The following LHFPL5 variants were observed in gnomAD, a reference collection of about 807,000 sequenced individuals.
The protein encoded by LHFPL5 is LHFPL tetraspan subfamily member 5 protein.
LHFPL5 carries 12 observed loss-of-function variants against 18.7 expected under a neutral mutation model. That is an observed-to-expected ratio of 0.64 (90% CI 0.41 to 1.04). The LOEUF (loss-of-function observed/expected upper bound fraction) is 1.04. LHFPL5 is among the 50% of genes least tolerant of loss of function. The probability of loss-of-function intolerance (pLI) is 0.00; values close to 1 mark genes in which losing one functional copy is unlikely to be tolerated. For synonymous variants in LHFPL5, 111 were observed against 120.2 expected, an observed-to-expected ratio of 0.92 and a Z score of 0.50; for missense variants, 259 against 292.1, an observed-to-expected ratio of 0.89 and a Z score of 0.83.
At chr6:35,817,813 TCATA>T (rs1457479767) in intron 2 of LHFPL5, among the ~76,000 whole-genome samples, 1 of 152,244 alleles carries the variant, frequency 6.6e-6, no homozygotes, top group Non-Finnish European at 1.5e-5. Context: ...AAATGGTTAA[TCATA>T]GAGTTACTAT....
At chr6:35,816,810 T>TAA (rs752528571) in intron 2 of LHFPL5, among the ~76,000 whole-genome samples, 11 of 83,240 alleles carry the variant, frequency 1.3e-4, no homozygotes, top group African/African-American at 3.6e-4. Flanking sequence ...AGACTCCATC[T>TAA]AAAAAAAAAA....
chr6:35,815,620 G>C (rs1373434391), intron 2 of LHFPL5, among the ~76,000 whole-genome samples: 8 of 152,126 alleles, frequency 5.3e-5, no homozygotes, highest in Non-Finnish European at 1.0e-4. Context: ...CCCCATAGCT[G>C]TCTTCACATT....
At chr6:35,811,852 T>C (rs1581970552) in intron 1 of LHFPL5, among the ~76,000 whole-genome samples, 1 of 152,190 alleles carries the variant, frequency 6.6e-6, no homozygotes, top group Non-Finnish European at 1.5e-5. Flanking sequence ...AACACTTAGT[T>C]TTCACTGAAC....
intron 3 of LHFPL5, 75 bp downstream of exon 3, chr6:35,819,538 C>A: frequency 7.3e-7 from 1 of 1,361,714 alleles, no homozygotes; most frequent in Admixed American, 1.8e-5. Context: ...ACTGAATCCT[C>A]AGGCATCAGG....
intron 2 of LHFPL5, among the ~76,000 whole-genome samples, chr6:35,817,505 A>G (rs1768786928): frequency 6.6e-6 from 1 of 152,236 alleles, no homozygotes; most frequent in South Asian, 2.1e-4. Flanking sequence ...CTATAACTCA[A>G]CAATGAAAAG....
rs1259086127 is a variant in LHFPL5, at chr6:35,823,878, T to C, written c.*913T>C. Reference sequence around the variant, plus strand: ...ATGACATTTTTTTTTTTCAAAAACTTTGGATTTGGCATATAGTCATCTATA... The same window carrying C: ...ATGACATTTTTTTTTTTCAAAAACTCTGGATTTGGCATATAGTCATCTATA... On this transcript the variant is annotated 3_prime_UTR_variant, in exon 4 of 4. Transcript: ENST00000360215. 1.3e-5 allele frequency: 2 copies of C among 152,136 alleles called. No homozygotes were observed. The highest frequency in any genetic ancestry group is 3.9e-4 in the East Asian group (2 of 5,194). The allele number at this position is 152,136 out of a possible 1,614,324, so 9.4% of individuals were successfully genotyped here. A position where few individuals can be genotyped will look rare whatever the true frequency, so the allele number is the denominator to read the frequency against.
chr6:35,817,342 A>G (rs2151071440), intron 2 of LHFPL5, among the ~76,000 whole-genome samples: 1 of 152,342 alleles, frequency 6.6e-6, no homozygotes, highest in South Asian at 2.1e-4. Context: ...CTTAAAAGAA[A>G]AAAATAGATA....
chr6:35,806,144 C>A, intron 1 of LHFPL5, 62 bp downstream of exon 1: 1 of 1,566,060 alleles, frequency 6.4e-7, no homozygotes, highest in Non-Finnish European at 8.7e-7. Context: ...TGCAGCTGCA[C>A]CATCCCAGCC....
intron 2 of LHFPL5, among the ~76,000 whole-genome samples, chr6:35,818,452 G>C (rs1169015468): frequency 1.4e-5 from 2 of 144,472 alleles, no homozygotes; most frequent in Non-Finnish European, 3.0e-5. Context: ...TTCACCTCCT[G>C]GGCTCAAGTG....
chr6:35,807,059 C>T (rs1054130251), intron 1 of LHFPL5, among the ~76,000 whole-genome samples: 4 of 152,092 alleles, frequency 2.6e-5, no homozygotes, highest in African/African-American at 9.7e-5. Flanking sequence ...AACTGCTGGG[C>T]TCAAGTGATT....
intron 2 of LHFPL5, 42 bp from the exon 3 acceptor site, chr6:35,819,395 G>A (rs776894988): frequency 8.1e-6 from 13 of 1,607,372 alleles, no homozygotes; most frequent in African/African-American, 4.0e-5. Flanking sequence ...TCCTAAAAAC[G>A]AGACTTGGTA....
chr6:35,818,346 TATGTA>T (rs1242950620), intron 2 of LHFPL5, among the ~76,000 whole-genome samples: 6 of 6,166 alleles, frequency 9.7e-4, no homozygotes, highest in Non-Finnish European at 1.9e-3. Context: ...TATATATATA[TATGTA>T]TTTTTTTTTT....
At position 35,814,749 on chromosome 6, in the gene LHFPL5, C is replaced by T. The variant is rs1459158366; in HGVS notation, c.616C>T (p.Leu206Phe). Residue 206 changes from leucine to phenylalanine, a missense_variant, in exon 2 of 4, where the codon CTC becomes TTC. Physicochemically the swap from Leu to Phe is conservative, Grantham distance 22 (BLOSUM62 0). Coordinates refer to ENST00000360215, the MANE Select transcript of LHFPL5 (RefSeq NM_182548.4). The surrounding 1 kb of genome is among the most constrained non-coding windows in gnomAD (Gnocchi z 4.2). ...AFVLGYRQDK[L>F]LPDDYKADGT... ...CGTGTTGGGCTACCGGCAGGACAAG[C>T]TCCTCCCTGACGACTACAAGGCAGA... 6.2e-7 allele frequency: 1 copy of T among 1,614,002 alleles called. No homozygotes were observed. Among genetic ancestry groups the T allele is most frequent in the African/African-American group, 1.3e-5 (1 of 74,922 alleles).
chr6:35,820,020 G>A (rs369800134), intron 3 of LHFPL5, among the ~76,000 whole-genome samples: 78 of 152,178 alleles, frequency 5.1e-4, no homozygotes, highest in African/African-American at 1.8e-3. Context: ...AGGGAAAGAA[G>A]AAATAATTTC....
rs1192287001 is a variant in LHFPL5 at position 35,814,654 on chromosome 6, C to T, written c.521C>T (p.Thr174Ile). Residue 174 changes from threonine to isoleucine, a missense_variant, in exon 2 of 4, where the codon ACC becomes ATC. Transcript: ENST00000360215. This position sits in a 1 kb window ranked among gnomAD's most constrained non-coding sequence, Gnocchi z 4.2. ...QTGKYTLGHC[T>I]IRWAFMLAIL... is the part of the protein sequence containing the mutation. ...GGCAAGTACACGCTGGGCCACTGCA[C>T]CATCCGCTGGGCCTTCATGCTGGCC... 1.2e-6 allele frequency: 2 copies of T among 1,614,192 alleles called. No homozygotes were observed. Among genetic ancestry groups the T allele is most frequent in the South Asian group, 1.1e-5 (1 of 91,086 alleles).
At chr6:35,808,932 G>T (rs907110360) in intron 1 of LHFPL5, among the ~76,000 whole-genome samples, 24 of 152,156 alleles carry the variant, frequency 1.6e-4, no homozygotes, top group African/African-American at 4.8e-4. Flanking sequence ...AGGCAAGACT[G>T]GTGTCATGTT....
chr6:35,805,551 G>T lies in LHFPL5; in HGVS notation c.-120G>T, dbSNP rs1448699213. The T allele has an allele frequency of 9.2e-6, 9 of 980,086 alleles. No individual in the cohort carries two copies. Among genetic ancestry groups the T allele is most frequent in the Non-Finnish European group, 1.3e-5 (8 of 632,188 alleles). The allele number at this position is 980,086 out of a possible 1,614,324, so 60.7% of individuals were successfully genotyped here. On this transcript the variant is annotated 5_prime_UTR_variant, in exon 1 of 4. Coordinates refer to ENST00000360215, the MANE Select transcript of LHFPL5 (RefSeq NM_182548.4). The surrounding 1 kb of genome is among the most constrained non-coding windows in gnomAD (Gnocchi z 4.3). ...TTGCCTTGAAGGGACCTCACCTGGT[G>T]CCCTGACCTCAGCCTCCTCCCCAAA... is the stretch of plus-strand genomic sequence containing the variant.
chr6:35,817,043 G>A (rs886875348), intron 2 of LHFPL5, among the ~76,000 whole-genome samples: 10 of 151,984 alleles, frequency 6.6e-5, no homozygotes, highest in Non-Finnish European at 1.3e-4. Context: ...TCTTAAAAGA[G>A]GCCAGATGCG....
At chr6:35,817,138 A>G (rs2766528) in intron 2 of LHFPL5, among the ~76,000 whole-genome samples, 67,908 of 151,958 alleles carry the variant, frequency 0.45, 16,515 homozygotes, top group African/African-American at 0.64. Flanking sequence ...TGGCTAACAT[A>G]GTGAAACCCT....
Sources: gnomAD v4.1 joint callset for allele counts (sites outside exome capture counted in the v4.1 genomes callset) on GRCh38, gnomAD v4.1.1 for gene constraint, Gnocchi (gnomAD v3.1) non-coding constraint, MANE v1.5 for transcripts, NCBI Gene and HGNC (gene_info 2026-07-23, HGNC 2026-07-21) for gene names.